Variants in TXNDC9 observed in about 807,000 individuals in gnomAD.
The protein encoded by TXNDC9 is thioredoxin domain-containing protein 9.
TXNDC9 carries 7 observed loss-of-function variants against 23.0 expected under a neutral mutation model. The observed-to-expected ratio is 0.30, with a 90% CI of 0.17 to 0.57. The LOEUF (loss-of-function observed/expected upper bound fraction) is 0.57. Ranked by LOEUF, TXNDC9 falls within the 20% of genes least tolerant of loss-of-function variation. TXNDC9 has a pLI of 0.90. For synonymous variants in TXNDC9, 72 were observed against 90.6 expected (o/e 0.79, Z 1.17); for missense variants, 198 against 252.6 (o/e 0.78, Z 1.47).
intron 2 of TXNDC9, among the ~76,000 whole-genome samples, chr2:99,328,093 A>C (rs1429274694): frequency 6.6e-6 from 1 of 151,194 alleles, no homozygotes; most frequent in Admixed American, 6.6e-5. Context: ...CAAAAGTGTT[A>C]TTTATTTATT....
At chr2:99,315,516 G>A (rs1026775381), downstream of TXNDC9, among the ~76,000 whole-genome samples, 20 of 152,146 alleles carry the variant, frequency 1.3e-4, no homozygotes, top group African/African-American at 4.3e-4. Context: ...ATCAATTGCA[G>A]CAAGTGTTTT....
chr2:99,325,094 A>C (rs1464199060), intron 3 of TXNDC9, among the ~76,000 whole-genome samples: 1 of 152,226 alleles, frequency 6.6e-6, no homozygotes, highest in Non-Finnish European at 1.5e-5. Flanking sequence ...ATAAATAGCT[A>C]TAGGCCTTTA....
At chr2:99,322,677 A>G in intron 3 of TXNDC9, 7 of 1,531,484 alleles carry the variant, frequency 4.6e-6, no homozygotes, top group Non-Finnish European at 6.1e-6. Context: ...TAAGAAGCAC[A>G]TTAAGGCTAA....
At chr2:99,307,467 T>C in the TXNDC9 span, 1 of 117,368 alleles carries the variant, frequency 8.5e-6, no homozygotes, top group Admixed American at 9.8e-5. Flanking sequence ...GGAGGAGCAC[T>C]GACTGAAGAC....
intron 3 of TXNDC9, among the ~76,000 whole-genome samples, chr2:99,326,541 G>C (rs893065455): frequency 5.9e-5 from 9 of 152,168 alleles, no homozygotes; most frequent in African/African-American, 2.2e-4. Context: ...TTCAAAAGGA[G>C]TTATCTCTCG....
chr2:99,336,275 G>A lies in TXNDC9; in HGVS notation c.-69C>T. ...GTGACGCCTGAGAAGTGAAAGAGCA[G>A]CAGTTTCAAAAGACACGTCCACTCC... On this transcript the variant is annotated 5_prime_UTR_variant, in exon 1 of 5. Coordinates refer to ENST00000264255, the MANE Select transcript of TXNDC9 (RefSeq NM_005783.4). 1 of 985,480 alleles carries A rather than the reference G, an allele frequency of 1.0e-6. No individual in the cohort carries two copies. The highest frequency in any genetic ancestry group is 1.2e-6 in the Non-Finnish European group (1 of 829,970). 61.0% of individuals were successfully genotyped at this position (985,480 alleles called of 1,614,324 possible).
At chr2:99,307,029 TCTTC>T in the TXNDC9 span, among the ~76,000 whole-genome samples, 1 of 106,868 alleles carries the variant, frequency 9.4e-6, no homozygotes, top group Non-Finnish European at 2.0e-5. Context: ...CTTCCTTCCT[TCTTC>T]CTTTTCTTTC....
At chr2:99,316,919 G>A (rs187514672), downstream of TXNDC9, among the ~76,000 whole-genome samples, 1 of 152,204 alleles carries the variant, frequency 6.6e-6, no homozygotes, top group East Asian at 1.9e-4. Context: ...ACCACGCCCG[G>A]CTAATTTTTT....
chr2:99,327,403 A>G (rs1360167912), intron 3 of TXNDC9, 132 bp downstream of exon 3: 1 of 681,474 alleles, frequency 1.5e-6, no homozygotes, highest in African/African-American at 1.8e-5. Context: ...ATAACATATG[A>G]GAGAGTACAA....
intron 3 of TXNDC9, chr2:99,322,581 T>C: frequency 4.6e-6 from 7 of 1,531,950 alleles, no homozygotes; most frequent in Non-Finnish European, 5.3e-6. Flanking sequence ...AGTGCACACA[T>C]GGTGCCATAT....
chr2:99,316,069 T>C (rs536437815), downstream of TXNDC9, among the ~76,000 whole-genome samples: 1 of 152,150 alleles, frequency 6.6e-6, no homozygotes, highest in Admixed American at 6.6e-5. Flanking sequence ...TCTTAAGACT[T>C]AGTATCAAGT....
chr2:99,311,557 A>C, the TXNDC9 span, among the ~76,000 whole-genome samples: 1 of 152,022 alleles, frequency 6.6e-6, no homozygotes, highest in Admixed American at 6.6e-5. Flanking sequence ...TTGACCTCCC[A>C]AAGACGAGAT....
At chr2:99,331,710 C>T (rs920477978) in intron 2 of TXNDC9, among the ~76,000 whole-genome samples, 5 of 152,132 alleles carry the variant, frequency 3.3e-5, no homozygotes, top group African/African-American at 1.2e-4. Context: ...AGTGATGCTA[C>T]AGCAATACAA....
intron 2 of TXNDC9, among the ~76,000 whole-genome samples, chr2:99,331,148 T>C (rs2094224494): frequency 6.6e-6 from 1 of 152,224 alleles, no homozygotes; most frequent in Admixed American, 6.5e-5. Context: ...TAATTATTTT[T>C]AGTTGCACAT....
At chr2:99,311,314 GTCTC>G in the TXNDC9 span, among the ~76,000 whole-genome samples, 4 of 151,928 alleles carry the variant, frequency 2.6e-5, no homozygotes, top group South Asian at 2.1e-4. Flanking sequence ...TTGAGGCAGG[GTCTC>G]TCTCTGTCTT....
chr2:99,319,932 G>A, intron 4 of TXNDC9, 133 bp from the exon 5 acceptor site: 1 of 606,758 alleles, frequency 1.6e-6, no homozygotes, highest in African/African-American at 1.9e-5. Context: ...CAGGGAAGAG[G>A]TATAATGCTT....
intron 3 of TXNDC9, chr2:99,322,527 A>T (rs1285255295): frequency 1.4e-6 from 2 of 1,477,640 alleles, no homozygotes; most frequent in East Asian, 5.0e-5. Context: ...AAGAGGAACA[A>T]ACTGAAACTT....
downstream of TXNDC9, among the ~76,000 whole-genome samples, chr2:99,314,392 G>T (rs919836699): frequency 6.6e-6 from 1 of 151,802 alleles, no homozygotes; most frequent in Non-Finnish European, 1.5e-5. Flanking sequence ...GACTTTTTTT[G>T]TTGTCATTAT....
chr2:99,326,755 G>A (rs1319819393), intron 3 of TXNDC9, among the ~76,000 whole-genome samples: 1 of 152,130 alleles, frequency 6.6e-6, no homozygotes, highest in African/African-American at 2.4e-5. Context: ...ACTCTGCTCT[G>A]GTGAAAGGTT....
Sources: allele counts gnomAD v4.1 joint callset (sites outside exome capture counted in the v4.1 genomes callset), GRCh38; gene constraint gnomAD v4.1.1; transcripts MANE v1.5; gene names NCBI Gene and HGNC (gene_info 2026-07-23, HGNC 2026-07-21).